The following CNGB1 variants were observed in gnomAD, a reference collection of about 807,000 sequenced individuals.
CNGB1 encodes cyclic nucleotide-gated channel beta-1.
A neutral mutation model predicts 151.7 loss-of-function variants in CNGB1; 126 were observed. That is an observed-to-expected ratio of 0.83 (90% CI 0.72 to 0.96). The LOEUF (loss-of-function observed/expected upper bound fraction) is 0.96. Among genes scored for constraint, CNGB1 ranks in the 40% least tolerant of loss-of-function variants. CNGB1 has a pLI of 0.00. For missense variants in CNGB1, 1,698 were observed against 1,627.0 expected (o/e 1.04, Z -0.75); for synonymous variants, 623 against 635.1 (o/e 0.98, Z 0.29).
chr16:57,912,995 C>G lies in CNGB1; in HGVS notation c.2305-1G>C. 6.2e-7 allele frequency: 1 copy of G among 1,613,864 alleles called. No homozygotes were observed. Among genetic ancestry groups the G allele is most frequent in the Non-Finnish European group, 8.5e-7 (1 of 1,179,824 alleles). ...TGTTAAACTCGAAGAAGGCCATGTA[C>G]TGGAGGGAGAGGAGGGCGTGAGAGC... On this transcript the variant is annotated splice_acceptor_variant, in intron 23 of 32. Transcript: ENST00000251102. LOFTEE classifies it high-confidence loss of function.
intron 12 of CNGB1, chr16:57,954,589 C>T: frequency 1.2e-6 from 1 of 803,060 alleles, no homozygotes; most frequent in Non-Finnish European, 1.5e-6. Flanking sequence ...ACACCGCAAG[C>T]CCAGGGCTAT....
intron 14 of CNGB1, among the ~76,000 whole-genome samples, chr16:57,941,561 G>T (rs1961668254): frequency 6.6e-6 from 1 of 152,198 alleles, no homozygotes; most frequent in African/African-American, 2.4e-5. Flanking sequence ...AAATTACCTT[G>T]AGAAATCTAT....
At chr16:57,936,279 A>C (rs1961505268) in intron 16 of CNGB1, among the ~76,000 whole-genome samples, 1 of 152,136 alleles carries the variant, frequency 6.6e-6, no homozygotes, top group Non-Finnish European at 1.5e-5. Context: ...GCTGAGCAGC[A>C]AACTGTCAAG....
At chr16:57,960,130 G>A in intron 9 of CNGB1, 65 bp from the exon 10 acceptor site, 1 of 1,531,158 alleles carries the variant, frequency 6.5e-7, no homozygotes, top group Non-Finnish European at 8.7e-7. Context: ...AACCCCTCAA[G>A]GGCACGGGGC....
intron 31 of CNGB1, among the ~76,000 whole-genome samples, chr16:57,892,942 C>T (rs903318740): frequency 6.6e-6 from 1 of 152,180 alleles, no homozygotes; most frequent in South Asian, 2.1e-4. Flanking sequence ...CGTAGCCAGA[C>T]GCATCACATC....
At chr16:57,970,741 G>A (rs1962520285) in intron 1 of CNGB1, among the ~76,000 whole-genome samples, 2 of 152,158 alleles carry the variant, frequency 1.3e-5, no homozygotes, top group Admixed American at 1.3e-4. Flanking sequence ...GATGAGGGAG[G>A]CTCAGGTGGG....
chr16:57,903,681 G>T, intron 27 of CNGB1, 141 bp downstream of exon 27: 2 of 1,080,492 alleles, frequency 1.9e-6, no homozygotes, highest in South Asian at 2.7e-5. Context: ...ACCAATGTTG[G>T]GGACACAGCC....
chr16:57,928,218 C>T (rs1186865215), intron 17 of CNGB1, among the ~76,000 whole-genome samples: 2 of 152,226 alleles, frequency 1.3e-5, no homozygotes, highest in East Asian at 3.8e-4. Flanking sequence ...GCTCTAACCA[C>T]TCAGCAACAA....
intron 17 of CNGB1, among the ~76,000 whole-genome samples, chr16:57,925,066 G>C (rs1172033845): frequency 6.6e-6 from 1 of 152,014 alleles, no homozygotes; most frequent in Admixed American, 6.6e-5. Context: ...GCAGTGGCAC[G>C]ATCTCGGCTC....
Position 57,898,553 on chromosome 16 carries a change from T to C in CNGB1, c.2977-639A>G, listed in dbSNP as rs866114412. 2.6e-5 allele frequency among the ~76,000 whole-genome samples: 4 copies of C among 152,098 alleles called. No homozygotes were observed. The Middle Eastern group carries it at 0.01, about 388-fold the overall frequency. On this transcript the variant is annotated intron_variant, in intron 29 of 32. Coordinates refer to ENST00000251102, the MANE Select transcript of CNGB1 (RefSeq NM_001297.5). ...GCTTCAGCCTCCCGAGTAGCTGGGA[T>C]TACAAGCATGTGCCACCATGCCCGG...
intron 27 of CNGB1, among the ~76,000 whole-genome samples, chr16:57,903,048 C>T (rs1373582008): frequency 6.6e-6 from 1 of 151,918 alleles, no homozygotes; most frequent in Non-Finnish European, 1.5e-5. Context: ...AGAGCTGCCC[C>T]AGGAGATCCA....
At chr16:57,942,319 A>AT (rs1961689544) in intron 14 of CNGB1, among the ~76,000 whole-genome samples, 1 of 152,174 alleles carries the variant, frequency 6.6e-6, no homozygotes, top group African/African-American at 2.4e-5. Flanking sequence ...GATCTTATAT[A>AT]TAAAAAAAAA....
At chr16:57,920,111 C>G (rs1405643717) in intron 19 of CNGB1, among the ~76,000 whole-genome samples, 1 of 152,166 alleles carries the variant, frequency 6.6e-6, no homozygotes. Flanking sequence ...ACTCACCTAC[C>G]AGTAGGAAAG....
chr16:57,964,648 C>A, intron 2 of CNGB1, 104 bp from the exon 3 acceptor site: 2 of 1,051,036 alleles, frequency 1.9e-6, no homozygotes, highest in Non-Finnish European at 1.5e-6. Context: ...CACAAAAGAC[C>A]TGAACGACTC....
chr16:57,955,663 T>C (rs1197783709), intron 12 of CNGB1, among the ~76,000 whole-genome samples: 1 of 152,156 alleles, frequency 6.6e-6, no homozygotes, highest in Non-Finnish European at 1.5e-5. Context: ...GGGTGGGCCC[T>C]AAATCCAGTG....
chr16:57,921,217 C>CTTTT lies in CNGB1; in HGVS notation c.1644-677_1644-674dup, dbSNP rs1185678390. Among the ~76,000 whole-genome samples the CTTTT allele has an allele frequency of 6.8e-4, 61 of 90,106 alleles. 2 individuals carry two copies. The highest frequency in any genetic ancestry group is 2.5e-3 in the African/African-American group (50 of 19,872). 59.1% of individuals were successfully genotyped at this position (90,106 alleles called of 152,430 possible). A position where few individuals can be genotyped will look rare whatever the true frequency, so the allele number is the denominator to read the frequency against. On this transcript the variant is annotated intron_variant, in intron 18 of 32. Transcript: ENST00000251102. ...AAGACGGGCTGGAGAAAATGAGGCT[C>CTTTT]TTTTTTTTTTTTTTTTTTTTTTGAG...
chr16:57,967,197 C>T lies in CNGB1; in HGVS notation c.90G>A (p.Glu30=), dbSNP rs375219355. The T allele has an allele frequency of 1.1e-3, 1,812 of 1,614,176 alleles. 45 individuals are homozygous for T. The South Asian group carries it at 0.019, about 17-fold the overall frequency. The change falls in exon 2 of 33, where the codon GAG becomes GAA. Residue 30 remains glutamate, a synonymous_variant. Transcript: ENST00000251102. ...GTTCCACCTCCGCCTCCATCTCTGG[C>T]TCTGGTTCCACTTCCTCTTCCTCCT... ...KMQEEEEVEP[E]PEMEAEVEPE...
Position 57,884,166 on chromosome 16 carries a change from A to T in CNGB1, c.3754T>A (p.Ter1252LysextTer78), listed in dbSNP as rs749054291. The T allele has an allele frequency of 6.2e-7, 1 of 1,613,626 alleles. No individual in the cohort carries two copies. The highest frequency in any genetic ancestry group is 8.5e-7 in the Non-Finnish European group (1 of 1,179,870). Reference sequence around the variant, plus strand: ...CGCGGGATCCGCCTCACCCCACCTTACTCCGCCTTCTCCTCCCTTTCCTCC... The same window carrying T: ...CGCGGGATCCGCCTCACCCCACCTTTCTCCGCCTTCTCCTCCCTTTCCTCC... ...MPEEREEKAE* is the reference protein window; with the variant it reads ...MPEEREEKAEK The change falls in exon 33 of 33, where the codon TAA becomes AAA. Residue 1252 changes from the stop codon to lysine, a stop_lost. Transcript: ENST00000251102.
In CNGB1 at chr16:57,915,318, G is replaced by A. The variant is rs1250891465; in HGVS notation, c.2235C>T (p.Leu745=). The change falls in exon 23 of 33, where the codon CTC becomes CTT. Residue 745 remains leucine (L), a synonymous_variant. Transcript: ENST00000251102. The part of the protein sequence containing the change: ...SRRFKMDLLS[L]LPLDFLYLKV... Reference sequence around the variant, plus strand: ...TCAAATAGAGAAAATCCAAGGGCAGGAGGCTGAGCAGGTCCATCTGAAATC... The same window carrying A: ...TCAAATAGAGAAAATCCAAGGGCAGAAGGCTGAGCAGGTCCATCTGAAATC... The A allele has an allele frequency of 1.4e-5, 23 of 1,614,038 alleles. No individual in the cohort carries two copies. The highest frequency in any genetic ancestry group is 1.8e-5 in the Non-Finnish European group (21 of 1,179,932).
Sources: allele counts gnomAD v4.1 joint callset (sites outside exome capture counted in the v4.1 genomes callset), GRCh38; gene constraint gnomAD v4.1.1; transcripts MANE v1.5; gene names NCBI Gene and HGNC (gene_info 2026-07-23, HGNC 2026-07-21).